AGAP1: variants seen among roughly 807,000 people sequenced by gnomAD.
The protein encoded by AGAP1 is arf-GAP with GTPase, ANK repeat and PH domain-containing protein 1.
AGAP1 carries 29 observed loss-of-function variants against 105.3 expected under a neutral mutation model. That is an observed-to-expected ratio of 0.28 (90% CI 0.21 to 0.38). The LOEUF (loss-of-function observed/expected upper bound fraction) is 0.38. AGAP1 is among the 10% of genes least tolerant of loss of function. The pLI, the probability that AGAP1 is intolerant of heterozygous loss-of-function variation, is 1.00. For missense variants in AGAP1, 998 were observed against 1,165.1 expected (o/e 0.86, Z 2.09); for synonymous variants, 509 against 485.9 (o/e 1.05, Z -0.63).
At chr2:235,779,517 C>T (rs1259840401) in intron 6 of AGAP1, among the ~76,000 whole-genome samples, 1 of 152,206 alleles carries the variant, frequency 6.6e-6, no homozygotes, top group Non-Finnish European at 1.5e-5. Context: ...CTCAGCTCAG[C>T]ACTCAGAACC....
intron 1 of AGAP1, among the ~76,000 whole-genome samples, chr2:235,595,677 C>T (rs7566367): frequency 0.17 from 25,289 of 152,034 alleles, 2,640 homozygotes; most frequent in South Asian, 0.29. Flanking sequence ...TGGGCAGATG[C>T]ATTGCTAAAG....
Position 236,076,683 on chromosome 2 carries a change from TTAA to T in AGAP1, c.2114+27407_2114+27409del, listed in dbSNP as rs1404969960. ...AATTACAGAGGCTTCTTTGTGGCACTTAATAATTTCCCAAACCACTAAAGAGGG... is the reference window on the plus strand; with the variant it reads ...AATTACAGAGGCTTCTTTGTGGCACTTAATTTCCCAAACCACTAAAGAGGG... On this transcript the variant is annotated intron_variant, in intron 16 of 17. Coordinates refer to ENST00000304032, the MANE Select transcript of AGAP1 (RefSeq NM_001037131.3). The surrounding 1 kb of genome is among the most constrained non-coding windows in gnomAD (Gnocchi z 4.4). Among the ~76,000 whole-genome samples, 1 of 151,146 alleles carries T rather than the reference TTAA, an allele frequency of 6.6e-6. No individual in the cohort carries two copies. Among genetic ancestry groups the T allele is most frequent in the Non-Finnish European group, 1.5e-5 (1 of 68,028 alleles).
Position 235,883,233 on chromosome 2 carries a change from A to G in AGAP1, c.1051-112A>G, listed in dbSNP as rs2050118135. 2 of 815,280 alleles carry G rather than the reference A, an allele frequency of 2.5e-6. No homozygotes were observed. Among genetic ancestry groups the G allele is most frequent in the Non-Finnish European group, 4.0e-6 (2 of 494,022 alleles). 50.5% of individuals were successfully genotyped at this position (815,280 alleles called of 1,614,324 possible). A position where few individuals can be genotyped will look rare whatever the true frequency, so the allele number is the denominator to read the frequency against. On this transcript the variant is annotated intron_variant, in intron 9 of 17. Transcript: ENST00000304032. The surrounding 1 kb of genome is among the most constrained non-coding windows in gnomAD (Gnocchi z 4.5). ...ATCTTTTAGCATTCGCCAGTATCAC[A>G]GAGTGAAGTTCTGCACACACACAGA... is the stretch of plus-strand genomic sequence containing the variant.
intron 13 of AGAP1, among the ~76,000 whole-genome samples, chr2:236,032,547 A>G (rs1268252181): frequency 6.6e-6 from 1 of 152,198 alleles, no homozygotes; most frequent in Non-Finnish European, 1.5e-5. Context: ...CTGTAATCTT[A>G]CAGAGTGAGG....
At position 235,517,504 on chromosome 2, in the gene AGAP1, A is replaced by C. The variant is rs1383476850; in HGVS notation, c.163+22655A>C. On this transcript the variant is annotated intron_variant, in intron 1 of 17. Transcript: ENST00000304032. This position sits in a 1 kb window ranked among gnomAD's most constrained non-coding sequence, Gnocchi z 4.1. ...ATTTTAATTGAGGTCGCAGGGACTA[A>C]TTTTTACTGGAAAGAAGTAGCAGCC... Among the ~76,000 whole-genome samples the C allele has an allele frequency of 2.0e-4, 30 of 152,146 alleles. No homozygotes were observed. The highest frequency in any genetic ancestry group is 2.0e-3 in the Admixed American group (30 of 15,280).
In AGAP1 at chr2:235,883,060, G is replaced by T. The variant is rs572873722; in HGVS notation, c.1051-285G>T. Among the ~76,000 whole-genome samples the T allele has an allele frequency of 2.0e-5, 3 of 151,924 alleles. No individual in the cohort carries two copies. The highest frequency in any genetic ancestry group is 2.0e-4 in the Admixed American group (3 of 15,248). On this transcript the variant is annotated intron_variant, in intron 9 of 17. Coordinates refer to ENST00000304032, the MANE Select transcript of AGAP1 (RefSeq NM_001037131.3). The surrounding 1 kb of genome is among the most constrained non-coding windows in gnomAD (Gnocchi z 4.5). ...TGGTCTCGAACTCTTGGGCTCAAAC[G>T]ATCCTTACACCGTGCCCAGCCTGGG...
At chr2:235,528,736 G>A (rs1559226052) in intron 1 of AGAP1, among the ~76,000 whole-genome samples, 1 of 152,136 alleles carries the variant, frequency 6.6e-6, no homozygotes, top group African/African-American at 2.4e-5. Context: ...GAGTGCAGTG[G>A]CGTGATCTTG....
chr2:235,997,098 G>T (rs1230943462), intron 13 of AGAP1, among the ~76,000 whole-genome samples: 1 of 152,074 alleles, frequency 6.6e-6, no homozygotes. Flanking sequence ...GATCTTTTTT[G>T]TTGTTGTTGT....
intron 12 of AGAP1, among the ~76,000 whole-genome samples, chr2:235,955,388 T>C (rs2053905363): frequency 6.6e-6 from 1 of 152,112 alleles, no homozygotes; most frequent in East Asian, 1.9e-4. Flanking sequence ...ACACCGTTGG[T>C]GGGAGCAGCA....
chr2:235,545,254 G>T (rs150735938), intron 1 of AGAP1, among the ~76,000 whole-genome samples: 1 of 152,316 alleles, frequency 6.6e-6, no homozygotes, highest in Non-Finnish European at 1.5e-5. Flanking sequence ...GTTGAAAATA[G>T]CGTTAAGTGT....
chr2:235,819,484 C>T (rs1399101161), intron 9 of AGAP1, among the ~76,000 whole-genome samples: 1 of 152,118 alleles, frequency 6.6e-6, no homozygotes, highest in East Asian at 1.9e-4. Context: ...TTGAGATCCC[C>T]TTTCTAGGCA....
chr2:235,628,404 T>G (rs11904408), intron 1 of AGAP1, among the ~76,000 whole-genome samples: 9,523 of 152,106 alleles, frequency 0.063, 839 homozygotes, highest in African/African-American at 0.2. Context: ...CTAGCAGGGA[T>G]CCAGGGACCC....
intron 13 of AGAP1, among the ~76,000 whole-genome samples, chr2:236,031,836 C>T (rs765879): frequency 0.23 from 35,509 of 152,024 alleles, 4,758 homozygotes; most frequent in African/African-American, 0.37. Context: ...TGGCATTGGG[C>T]TCTCTCTGTG....
At chr2:235,562,865 T>C (rs1944207945) in intron 1 of AGAP1, among the ~76,000 whole-genome samples, 2 of 152,170 alleles carry the variant, frequency 1.3e-5, no homozygotes, top group East Asian at 1.9e-4. Context: ...AAGACCAGCC[T>C]GGACAACATG....
At chr2:235,624,329 G>A (rs1307759338) in intron 1 of AGAP1, among the ~76,000 whole-genome samples, 2 of 152,138 alleles carry the variant, frequency 1.3e-5, no homozygotes, top group Non-Finnish European at 2.9e-5. Flanking sequence ...TGTTGAAGAT[G>A]GTCTGTCTTT....
chr2:235,924,348 C>T (rs181115214), intron 11 of AGAP1, among the ~76,000 whole-genome samples: 6 of 152,262 alleles, frequency 3.9e-5, no homozygotes, highest in African/African-American at 1.4e-4. Context: ...TCTTGTGTTA[C>T]TCTGCCTTGC....
intron 2 of AGAP1, among the ~76,000 whole-genome samples, chr2:235,713,896 C>T (rs754197228): frequency 4.6e-5 from 7 of 152,326 alleles, no homozygotes; most frequent in East Asian, 1.9e-4. Context: ...TGGAGGAAGA[C>T]GCGAGAGGTC....
Position 235,599,593 on chromosome 2 carries a change from G to GCA in AGAP1, c.163+104744_163+104745insCA, listed in dbSNP as rs60923442. ...TGGTCACTCTGCTTTGGAGAACTGCGGATCCCCTGCCATGGCCCATGTGGC... is the reference window on the plus strand; with the variant it reads ...TGGTCACTCTGCTTTGGAGAACTGCGCAGATCCCCTGCCATGGCCCATGTGGC... On this transcript the variant is annotated intron_variant, in intron 1 of 17. Coordinates refer to ENST00000304032, the MANE Select transcript of AGAP1 (RefSeq NM_001037131.3). This position sits in a 1 kb window ranked among gnomAD's most constrained non-coding sequence, Gnocchi z 5.3. Among the ~76,000 whole-genome samples, 2 of 152,174 alleles carry GCA rather than the reference G, an allele frequency of 1.3e-5. No homozygotes were observed. The highest frequency in any genetic ancestry group is 2.9e-5 in the Non-Finnish European group (2 of 68,036).
rs1400197982 is a variant in AGAP1, at chr2:236,119,806, G to A, written c.2115-386G>A. On this transcript the variant is annotated intron_variant, in intron 16 of 17. Transcript: ENST00000304032. The surrounding 1 kb of genome is among the most constrained non-coding windows in gnomAD (Gnocchi z 6.6). ...AGGCCATGGCCTTGAGCCCTCACTT[G>A]GTAGTTTTCTTTCCAAGGACAGCTT... is the stretch of plus-strand genomic sequence containing the variant. Among the ~76,000 whole-genome samples the A allele has an allele frequency of 6.6e-6, 1 of 152,116 alleles. No homozygotes were observed. The highest frequency in any genetic ancestry group is 2.4e-5 in the African/African-American group (1 of 41,428).
Sources: gnomAD v4.1 joint callset for allele counts (sites outside exome capture counted in the v4.1 genomes callset) on GRCh38, gnomAD v4.1.1 for gene constraint, Gnocchi (gnomAD v3.1) non-coding constraint, MANE v1.5 for transcripts, NCBI Gene and HGNC (gene_info 2026-07-23, HGNC 2026-07-21) for gene names.